GSG1L: variants seen among roughly 807,000 people sequenced by gnomAD.
The protein encoded by GSG1L is GSG1 like, also known as germ cell-specific gene 1-like protein.
A neutral mutation model predicts 42.1 loss-of-function variants in GSG1L; 24 were observed. The observed-to-expected ratio is 0.57, with a 90% CI of 0.41 to 0.80. GSG1L has a LOEUF of 0.80. GSG1L is among the 30% of genes least tolerant of loss of function. The probability of loss-of-function intolerance (pLI) is 0.00; values close to 1 mark genes in which losing one functional copy is unlikely to be tolerated. For missense variants in GSG1L, 445 were observed against 472.2 expected (o/e 0.94, Z 0.53); for synonymous variants, 215 against 203.5 (o/e 1.06, Z -0.48).
intron 1 of GSG1L, among the ~76,000 whole-genome samples, chr16:27,966,105 C>A (rs1013157154): frequency 2.0e-5 from 3 of 152,230 alleles, no homozygotes; most frequent in African/African-American, 7.2e-5. Context: ...GCACTGTTCA[C>A]TCGCATACCT....
intron 3 of GSG1L, among the ~76,000 whole-genome samples, chr16:27,852,045 C>A (rs917610715): frequency 1.3e-5 from 2 of 152,164 alleles, no homozygotes; most frequent in Non-Finnish European, 2.9e-5. Context: ...ATGCTTTATG[C>A]GAATGCCACG....
chr16:27,796,036 A>C (rs1006473841), intron 6 of GSG1L, among the ~76,000 whole-genome samples: 2 of 152,200 alleles, frequency 1.3e-5, no homozygotes, highest in Admixed American at 6.5e-5. Flanking sequence ...AGGCACTTAG[A>C]GGGAAACTGA....
intron 2 of GSG1L, among the ~76,000 whole-genome samples, chr16:27,958,508 A>T (rs1019319992): frequency 2.6e-5 from 4 of 152,112 alleles, no homozygotes; most frequent in African/African-American, 9.7e-5. Flanking sequence ...ATGTACTGAC[A>T]TGAATAGCAA....
Position 27,790,910 on chromosome 16 carries a change from T to G in GSG1L, c.*460A>C. ...CGCAAGAAAACAAGTTCAACAAGCATTTATTGAGCCCCTGCTGTGTGCCTG... is the reference window on the plus strand; with the variant it reads ...CGCAAGAAAACAAGTTCAACAAGCAGTTATTGAGCCCCTGCTGTGTGCCTG... On this transcript the variant is annotated 3_prime_UTR_variant, in exon 7 of 7. Coordinates refer to ENST00000447459, the MANE Select transcript of GSG1L (RefSeq NM_001109763.2). The G allele has an allele frequency of 1.3e-5, 2 of 154,686 alleles. No homozygotes were observed. The highest frequency in any genetic ancestry group is 2.9e-5 in the Non-Finnish European group (2 of 69,786). The allele number at this position is 154,686 out of a possible 1,614,324, so 9.6% of individuals were successfully genotyped here. A position where few individuals can be genotyped will look rare whatever the true frequency, so the allele number is the denominator to read the frequency against.
intron 2 of GSG1L, among the ~76,000 whole-genome samples, chr16:27,888,479 TTTC>T (rs1412881038): frequency 0.14 from 6,027 of 43,820 alleles, 941 homozygotes; most frequent in Admixed American, 0.2. Flanking sequence ...TCTCTCTCTC[TTTC>T]CTTTCTTTCT....
chr16:27,882,938 T>G (rs891652527), intron 3 of GSG1L, among the ~76,000 whole-genome samples: 10 of 151,984 alleles, frequency 6.6e-5, no homozygotes, highest in Admixed American at 2.6e-4. Flanking sequence ...AGACCCTATC[T>G]CTAAAAAAAA....
At chr16:27,913,163 C>T (rs1431618559) in intron 2 of GSG1L, among the ~76,000 whole-genome samples, 1 of 152,174 alleles carries the variant, frequency 6.6e-6, no homozygotes. Context: ...AACAAGTTAA[C>T]TCTGTGTACC....
chr16:27,793,634 T>C (rs183915820), intron 6 of GSG1L, among the ~76,000 whole-genome samples: 13 of 152,058 alleles, frequency 8.5e-5, no homozygotes, highest in Admixed American at 2.6e-4. Context: ...AGAAAGAAAG[T>C]GATAGTGTAT....
At chr16:28,054,254 T>A (rs205415) in intron 1 of GSG1L, among the ~76,000 whole-genome samples, 116,666 of 152,052 alleles carry the variant, frequency 0.77, 46,125 homozygotes, top group South Asian at 0.89. Context: ...GACCCTCCTC[T>A]ACCTCCATCA....
At chr16:28,019,427 G>T (rs1192994418) in intron 1 of GSG1L, among the ~76,000 whole-genome samples, 1 of 152,204 alleles carries the variant, frequency 6.6e-6, no homozygotes, top group Non-Finnish European at 1.5e-5. Context: ...TCTAAAAGGA[G>T]GAGGAACCCT....
chr16:27,878,067 AT>A (rs2083909064), intron 3 of GSG1L, among the ~76,000 whole-genome samples: 1 of 151,920 alleles, frequency 6.6e-6, no homozygotes, highest in Non-Finnish European at 1.5e-5. Context: ...GAAAAAAAAA[AT>A]GGTTTTTGAG....
At chr16:27,967,750 T>C (rs2085151199) in intron 1 of GSG1L, among the ~76,000 whole-genome samples, 1 of 152,122 alleles carries the variant, frequency 6.6e-6, no homozygotes, top group Admixed American at 6.6e-5. Context: ...CCATCTCTGA[T>C]AAAAATACAA....
In GSG1L at chr16:27,789,826, GTGGA is replaced by G. The variant is rs143883310; in HGVS notation, c.*1540_*1543del. On this transcript the variant is annotated 3_prime_UTR_variant, in exon 7 of 7. Transcript: ENST00000447459. ...GGACAGATGATGGATGGATGGATGG[GTGGA>G]TGGATGGATGAAGGATGGATGGATG... 36,274 of 149,470 alleles carry G rather than the reference GTGGA, an allele frequency of 0.24. 4,635 individuals carry two copies. Among genetic ancestry groups the G allele is most frequent in the Admixed American group, 0.35 (5,277 of 15,096 alleles). The allele number at this position is 149,470 out of a possible 1,614,324, so 9.3% of individuals were successfully genotyped here.
intron 2 of GSG1L, among the ~76,000 whole-genome samples, chr16:27,951,840 A>G (rs925061959): frequency 6.6e-6 from 1 of 152,238 alleles, no homozygotes; most frequent in Non-Finnish European, 1.5e-5. Flanking sequence ...CGGAGAACAG[A>G]GAGGTTGAGG....
At chr16:27,866,339 A>G (rs1042345946) in intron 3 of GSG1L, among the ~76,000 whole-genome samples, 6 of 152,158 alleles carry the variant, frequency 3.9e-5, no homozygotes, top group Non-Finnish European at 8.8e-5. Flanking sequence ...TCATCCTCAG[A>G]GCCAACCATG....
At chr16:27,983,065 T>A (rs531035200) in intron 1 of GSG1L, among the ~76,000 whole-genome samples, 1 of 152,302 alleles carries the variant, frequency 6.6e-6, no homozygotes, top group Admixed American at 6.5e-5. Context: ...CTGGGCACAG[T>A]GGCTCACACC....
chr16:27,931,448 C>A (rs1412140502), intron 2 of GSG1L, among the ~76,000 whole-genome samples: 8 of 152,156 alleles, frequency 5.3e-5, no homozygotes, highest in Non-Finnish European at 5.9e-5. Flanking sequence ...AGCAAAAACT[C>A]AAACCAGAAG....
intron 3 of GSG1L, among the ~76,000 whole-genome samples, chr16:27,878,136 A>G (rs1368243141): frequency 1.3e-5 from 2 of 152,120 alleles, no homozygotes; most frequent in African/African-American, 4.8e-5. Flanking sequence ...CATAACTCAC[A>G]GCAGCCTTAA....
In GSG1L at chr16:28,052,856, C is replaced by T. The variant is rs372290045; in HGVS notation, c.349+10220G>A. On this transcript the variant is annotated intron_variant, in intron 1 of 6. Transcript: ENST00000447459. ...TCCCCATGTGGAGAGATCCACCAAG[C>T]GGAGACAGTGACTCGTGTCCAAGTC... Among the ~76,000 whole-genome samples the T allele has an allele frequency of 9.8e-5, 15 of 152,364 alleles. No individual in the cohort carries two copies. In the East Asian group the frequency reaches 2.3e-3, roughly 24 times the overall value.
Sources: gnomAD v4.1 joint callset for allele counts (sites outside exome capture counted in the v4.1 genomes callset) on GRCh38, gnomAD v4.1.1 for gene constraint, MANE v1.5 for transcripts, NCBI Gene and HGNC (gene_info 2026-07-23, HGNC 2026-07-21) for gene names.